The following MUC7 variants were observed in gnomAD, a reference collection of about 807,000 sequenced individuals.
MUC7 encodes mucin 7, secreted, also known as mucin-7.
MUC7 carries 2 observed loss-of-function variants against 2.5 expected under a neutral mutation model. That is an observed-to-expected ratio of 0.81 (90% CI 0.33 to 2.55). The LOEUF (loss-of-function observed/expected upper bound fraction) is 2.55, where lower values mean the gene tolerates loss of function less well. Ranked by LOEUF, MUC7 falls within the 30% of genes most tolerant of loss-of-function variation. MUC7 has a pLI of 0.11. For missense variants in MUC7, 408 were observed against 455.6 expected, an observed-to-expected ratio of 0.90 and a Z score of 0.95; for synonymous variants, 133 against 173.4, an observed-to-expected ratio of 0.77 and a Z score of 1.83.
At chr4:70,472,070 C>T (rs1478035667), upstream of MUC7, 2 of 152,198 alleles carry the variant, frequency 1.3e-5, no homozygotes, top group Non-Finnish European at 2.9e-5. Flanking sequence ...CTCAGCAAAC[C>T]ACAACTATTC....
intron 1 of MUC7, among the ~76,000 whole-genome samples, chr4:70,436,803 T>C (rs1227453049): frequency 2.6e-5 from 4 of 152,214 alleles, no homozygotes; most frequent in African/African-American, 7.2e-5. Flanking sequence ...TTTTCAGCTT[T>C]TCTGTTCTGG....
intron 1 of MUC7, among the ~76,000 whole-genome samples, chr4:70,467,163 G>T (rs1222022556): frequency 6.6e-6 from 1 of 152,158 alleles, no homozygotes; most frequent in African/African-American, 2.4e-5. Flanking sequence ...ATGACTACTG[G>T]TTAAATAAGG....
At chr4:70,451,275 T>C (rs1734273640) in intron 1 of MUC7, among the ~76,000 whole-genome samples, 1 of 152,212 alleles carries the variant, frequency 6.6e-6, no homozygotes, top group Non-Finnish European at 1.5e-5. Flanking sequence ...CTCCCTCCGT[T>C]GGTGCCCAGA....
upstream of MUC7, among the ~76,000 whole-genome samples, chr4:70,469,067 C>A (rs969922307): frequency 1.3e-5 from 2 of 152,078 alleles, no homozygotes; most frequent in Non-Finnish European, 2.9e-5. Flanking sequence ...ATATATAGAC[C>A]AATAGAACAA....
chr4:70,435,804 C>T (rs1289353655), intron 1 of MUC7, among the ~76,000 whole-genome samples: 1 of 152,218 alleles, frequency 6.6e-6, no homozygotes, highest in African/African-American at 2.4e-5. Context: ...CATCAATGGT[C>T]TTTACACTTT....
At position 70,456,272 on chromosome 4, in the gene MUC7, A is replaced by G. The variant is rs1481922368; in HGVS notation, c.-92-15943A>G. Among the ~76,000 whole-genome samples the G allele has an allele frequency of 3.9e-5, 6 of 152,214 alleles. No individual in the cohort carries two copies. The South Asian group carries it at 8.3e-4, about 21-fold the overall frequency. Reference sequence around the variant, plus strand: ...CTCAAAAAGATTAATTTAATGTAATACCTAAATGTCTTCAGATATTTAAAT... The same window carrying G: ...CTCAAAAAGATTAATTTAATGTAATGCCTAAATGTCTTCAGATATTTAAAT... On this transcript the variant is annotated intron_variant, in intron 1 of 3. Coordinates refer to the MUC7 transcript ENST00000413702.
At chr4:70,471,837 T>C (rs1355923725), upstream of MUC7, 2 of 152,180 alleles carry the variant, frequency 1.3e-5, no homozygotes, top group African/African-American at 4.8e-5. Flanking sequence ...TCCATCACAT[T>C]AACTGTCAGA....
chr4:70,439,613 A>G (rs1261067902), intron 1 of MUC7, among the ~76,000 whole-genome samples: 1 of 152,038 alleles, frequency 6.6e-6, no homozygotes, highest in East Asian at 1.9e-4. Flanking sequence ...TATTTATCTT[A>G]AAGTGTTATG....
At chr4:70,442,150 C>A (rs1023179277) in intron 1 of MUC7, among the ~76,000 whole-genome samples, 16 of 152,178 alleles carry the variant, frequency 1.1e-4, no homozygotes, top group Admixed American at 9.8e-4. Flanking sequence ...CCTTGGTAAA[C>A]ACTATATTTT....
intron 1 of MUC7, among the ~76,000 whole-genome samples, chr4:70,433,710 C>T (rs1301672565): frequency 2.0e-5 from 3 of 152,114 alleles, no homozygotes; most frequent in African/African-American, 4.8e-5. Flanking sequence ...ATTGAATACC[C>T]TTTATTTCTT....
At chr4:70,451,922 G>C (rs1313903828) in intron 1 of MUC7, among the ~76,000 whole-genome samples, 1 of 151,998 alleles carries the variant, frequency 6.6e-6, no homozygotes, top group African/African-American at 2.4e-5. Context: ...AGTAATATTT[G>C]CTTTATTTAT....
chr4:70,474,597 C>A (rs1734941703), intron 2 of MUC7, among the ~76,000 whole-genome samples: 2 of 151,956 alleles, frequency 1.3e-5, no homozygotes, highest in South Asian at 4.2e-4. Context: ...GTAGATAGAG[C>A]ATAAGGAAAT....
rs559991798 is a variant in MUC7, at chr4:70,461,813, A to C, written c.-92-10402A>C. Among the ~76,000 whole-genome samples the C allele has an allele frequency of 7.4e-3, 1,123 of 152,242 alleles. 12 individuals are homozygous for C. The highest frequency in any genetic ancestry group is 0.026 in the African/African-American group (1,070 of 41,550). On this transcript the variant is annotated intron_variant, in intron 1 of 3. Coordinates refer to the MUC7 transcript ENST00000413702. ...AAAGGTGAAATCTTAAAATCAAAAAAAAAAAGGAGAAAGAAAAAATTTCCA... is the reference window on the plus strand; with the variant it reads ...AAAGGTGAAATCTTAAAATCAAAAACAAAAAGGAGAAAGAAAAAATTTCCA...
chr4:70,481,592 C>T lies in MUC7; in HGVS notation c.848C>T (p.Ala283Val). Residue 283 changes from alanine (A) to valine (V), a missense_variant, in exon 3 of 3, where the codon GCC (alanine) becomes GTC (valine). Ala to Val is a moderately conservative substitution (Grantham distance 64). Transcript: ENST00000304887. Reference protein sequence around the residue: ...SASAPPETTAAPPTPSATTPA... With the variant: ...SASAPPETTAVPPTPSATTPA... ...TCAGCTCCACCAGAGACCACAGCTGCCCCACCCACACCTTCTGCAACTACA... is the reference window on the plus strand; with the variant it reads ...TCAGCTCCACCAGAGACCACAGCTGTCCCACCCACACCTTCTGCAACTACA... The T allele has an allele frequency of 1.2e-6, 2 of 1,612,058 alleles. No individual in the cohort carries two copies. Among genetic ancestry groups the T allele is most frequent in the East Asian group, 2.2e-5 (1 of 44,822 alleles).
intron 1 of MUC7, among the ~76,000 whole-genome samples, chr4:70,463,211 C>A (rs573327628): frequency 2.3e-4 from 35 of 152,192 alleles, no homozygotes; most frequent in Non-Finnish European, 4.9e-4. Flanking sequence ...AAAAAAAATC[C>A]TAAAATAATA....
intron 2 of MUC7, 109 bp downstream of exon 2, chr4:70,474,184 T>C (rs991860442): frequency 7.0e-6 from 6 of 857,976 alleles, no homozygotes; most frequent in Non-Finnish European, 1.1e-5. Context: ...TCCAAGAAGC[T>C]TGACATCTTT....
upstream of MUC7, among the ~76,000 whole-genome samples, chr4:70,468,936 C>G (rs573044056): frequency 2.0e-5 from 3 of 152,158 alleles, no homozygotes; most frequent in East Asian, 1.9e-4. Flanking sequence ...CAAAAAAGAA[C>G]CCGTATAGCC....
chr4:70,454,979 A>G (rs1455169209), intron 1 of MUC7, among the ~76,000 whole-genome samples: 1 of 152,194 alleles, frequency 6.6e-6, no homozygotes, highest in African/African-American at 2.4e-5. Flanking sequence ...AAACCCTTTT[A>G]TAGATAAGGC....
At chr4:70,453,164 C>G (rs1448328503) in intron 1 of MUC7, among the ~76,000 whole-genome samples, 2 of 152,172 alleles carry the variant, frequency 1.3e-5, no homozygotes, top group African/African-American at 4.8e-5. Flanking sequence ...ACCTGGGGCT[C>G]TGACATCAGC....
Sources: gnomAD v4.1 joint callset for allele counts (sites outside exome capture counted in the v4.1 genomes callset) on GRCh38, gnomAD v4.1.1 for gene constraint, MANE v1.5 for transcripts, NCBI Gene and HGNC (gene_info 2026-07-23, HGNC 2026-07-21) for gene names.